Variants in CSMD1 observed in about 807,000 individuals in gnomAD.
The protein encoded by CSMD1 is CUB and Sushi multiple domains 1.
In CSMD1, 213 loss-of-function variants were observed where a neutral mutation model predicts 417.5. The observed-to-expected ratio is 0.51, with a 90% CI of 0.46 to 0.57. The LOEUF (loss-of-function observed/expected upper bound fraction) is 0.57, where lower values mean the gene tolerates loss of function less well. Ranked by LOEUF, CSMD1 falls within the 20% of genes least tolerant of loss-of-function variation. CSMD1 has a pLI of 0.00. For synonymous variants in CSMD1, 2,862 were observed against 1,736.8 expected, an observed-to-expected ratio of 1.65 and a Z score of -16.11; for missense variants, 6,923 against 4,529.7, an observed-to-expected ratio of 1.53 and a Z score of -15.17.
chr8:3,574,887 A>G (rs1261830323), intron 10 of CSMD1, 58 bp downstream of exon 10: 4 of 1,557,588 alleles, frequency 2.6e-6, no homozygotes, highest in Non-Finnish European at 2.6e-6. Context: ...TGCTTCAACA[A>G]TAGATCCTAT....
chr8:3,734,454 T>TA (rs1459817496), intron 6 of CSMD1, among the ~76,000 whole-genome samples: 1 of 152,218 alleles, frequency 6.6e-6, no homozygotes, highest in African/African-American at 2.4e-5. Context: ...CTCACGCCTG[T>TA]AATCCCAGCA....
intron 25 of CSMD1, among the ~76,000 whole-genome samples, chr8:3,306,560 G>C (rs1161502294): frequency 1.3e-5 from 2 of 152,164 alleles, no homozygotes; most frequent in Non-Finnish European, 2.9e-5. Context: ...GGGTATAATA[G>C]CATGATGGAG....
intron 11 of CSMD1, among the ~76,000 whole-genome samples, chr8:3,484,764 G>GA (rs1436590740): frequency 6.6e-6 from 1 of 152,126 alleles, no homozygotes; most frequent in Non-Finnish European, 1.5e-5. Context: ...TAGAAAATGG[G>GA]AAAAAGACTT....
At chr8:4,467,270 T>A (rs534442922) in intron 2 of CSMD1, among the ~76,000 whole-genome samples, 12 of 152,292 alleles carry the variant, frequency 7.9e-5, no homozygotes, top group African/African-American at 2.9e-4. Flanking sequence ...TCAATTCGTG[T>A]TCAATTAAAC....
At chr8:3,772,440 TATATATACACATATATATAC>T (rs1300125222) in intron 5 of CSMD1, among the ~76,000 whole-genome samples, 3 of 69,572 alleles carry the variant, frequency 4.3e-5, no homozygotes, top group Admixed American at 1.4e-4. Context: ...TACATACATT[TATATATACACATATATATAC>T]ATATATACAC....
In CSMD1 at chr8:3,097,522, A is replaced by AG. The variant is rs541602809; in HGVS notation, c.6950-486dup. 1.3e-4 allele frequency among the ~76,000 whole-genome samples: 20 copies of AG among 152,322 alleles called. No homozygotes were observed. The East Asian group carries it at 3.7e-3, about 28-fold the overall frequency. Reference sequence around the variant, plus strand: ...TGATGCCTGATGCTGCAGATGGTCCAGAATCCTACGTCGTTTCTGGTGCAA... The same window carrying AG: ...TGATGCCTGATGCTGCAGATGGTCCAGGAATCCTACGTCGTTTCTGGTGCAA... On this transcript the variant is annotated intron_variant, in intron 46 of 69. Coordinates refer to ENST00000635120, the MANE Select transcript of CSMD1 (RefSeq NM_033225.6).
chr8:4,132,789 G>C (rs745425285), intron 3 of CSMD1, among the ~76,000 whole-genome samples: 2 of 152,144 alleles, frequency 1.3e-5, no homozygotes, highest in African/African-American at 2.4e-5. Flanking sequence ...GACACAAACT[G>C]TGTGTGAATG....
intron 3 of CSMD1, among the ~76,000 whole-genome samples, chr8:4,176,933 G>T (rs567125488): frequency 6.7e-6 from 1 of 149,644 alleles, no homozygotes; most frequent in Admixed American, 6.7e-5. Flanking sequence ...CATAAAGCAA[G>T]TCCTCAGTGA....
In CSMD1 at chr8:3,396,331, G is replaced by C. The variant is rs973518277; in HGVS notation, c.2456C>G (p.Ala819Gly). The stretch of plus-strand genomic sequence containing the variant: ...CTCGCCGATCAGTGGGGACGAACTG[G>C]CTGGCCCATCTCTGACCTCCAAGGT... ...YDTLEVRDGP[A>G]SSSPLIGEYH... The change falls in exon 17 of 70, where the codon GCC (alanine) becomes GGC (glycine). Residue 819 changes from alanine to glycine, a missense_variant. Coordinates refer to ENST00000635120, the MANE Select transcript of CSMD1 (RefSeq NM_033225.6). 6.2e-7 allele frequency: 1 copy of C among 1,607,812 alleles called. No homozygotes were observed. The highest frequency in any genetic ancestry group is 8.5e-7 in the Non-Finnish European group (1 of 1,177,122).
intron 2 of CSMD1, among the ~76,000 whole-genome samples, chr8:4,531,243 T>C (rs1585210689): frequency 6.6e-6 from 1 of 152,146 alleles, no homozygotes; most frequent in Admixed American, 6.5e-5. Flanking sequence ...ATAGATGATC[T>C]CCTTACAGGC....
rs58807453 is a variant in CSMD1, at chr8:4,675,741, C to T, written c.86-38183G>A. 9.1e-3 allele frequency among the ~76,000 whole-genome samples: 1,391 copies of T among 152,100 alleles called. 24 individuals carry two copies. The highest frequency in any genetic ancestry group is 0.032 in the African/African-American group (1,325 of 41,502). On this transcript the variant is annotated intron_variant, in intron 1 of 69. Transcript: ENST00000635120. ...ATATTTTCCCTATTCATCTGTACTC[C>T]CTTACATTGCATTCTACTTGTCAAC...
chr8:3,135,038 C>G (rs1168919107), intron 41 of CSMD1, among the ~76,000 whole-genome samples: 1 of 152,142 alleles, frequency 6.6e-6, no homozygotes, highest in East Asian at 1.9e-4. Context: ...GTCCTCCCAC[C>G]TCAGCCTCCC....
At chr8:4,627,181 T>G (rs1167014095) in intron 2 of CSMD1, among the ~76,000 whole-genome samples, 1 of 152,184 alleles carries the variant, frequency 6.6e-6, no homozygotes, top group Non-Finnish European at 1.5e-5. Context: ...TCTGAATGTT[T>G]AGCTACTCTT....
chr8:4,466,050 AATGATAACAC>A (rs1800147397), intron 2 of CSMD1, among the ~76,000 whole-genome samples: 1 of 152,258 alleles, frequency 6.6e-6, no homozygotes, highest in Non-Finnish European at 1.5e-5. Context: ...ATTACCATCC[AATGATAACAC>A]AAGTCAAACA....
chr8:4,913,883 C>A (rs1282346634), intron 1 of CSMD1, among the ~76,000 whole-genome samples: 2 of 152,162 alleles, frequency 1.3e-5, no homozygotes, highest in East Asian at 3.8e-4. Flanking sequence ...TGGATGGAAC[C>A]CGATTACTGT....
intron 8 of CSMD1, among the ~76,000 whole-genome samples, chr8:3,586,629 T>C (rs1241153503): frequency 2.0e-5 from 3 of 152,176 alleles, no homozygotes; most frequent in East Asian, 1.9e-4. Context: ...TTGGATGTCA[T>C]TCATCGTGAA....
chr8:4,768,268 C>T (rs533350792), intron 1 of CSMD1, among the ~76,000 whole-genome samples: 4 of 152,066 alleles, frequency 2.6e-5, no homozygotes, highest in Non-Finnish European at 1.5e-5. Flanking sequence ...AGCCCCTAAC[C>T]TCCGAGAGAG....
chr8:3,386,550 A>AT (rs1377799354), intron 18 of CSMD1, among the ~76,000 whole-genome samples: 1 of 152,224 alleles, frequency 6.6e-6, no homozygotes, highest in Non-Finnish European at 1.5e-5. Flanking sequence ...GAATTTTTCC[A>AT]TAAACCCTGT....
intron 52 of CSMD1, among the ~76,000 whole-genome samples, chr8:3,017,831 A>G (rs1808978695): frequency 7.4e-6 from 1 of 135,698 alleles, no homozygotes; most frequent in Non-Finnish European, 1.5e-5. Flanking sequence ...AAAAAAAAAA[A>G]AAAAGGAAGA....
Sources: allele counts gnomAD v4.1 joint callset (sites outside exome capture counted in the v4.1 genomes callset), GRCh38; gene constraint gnomAD v4.1.1; transcripts MANE v1.5; gene names NCBI Gene and HGNC (gene_info 2026-07-23, HGNC 2026-07-21).